The following SLC44A1 variants were observed in gnomAD, a reference collection of about 807,000 sequenced individuals.
SLC44A1 encodes the protein solute carrier family 44 member 1, also known as choline transporter-like protein 1.
In SLC44A1, 26 loss-of-function variants were observed where a neutral mutation model predicts 79.3. That is an observed-to-expected ratio of 0.33 (90% confidence interval 0.24 to 0.46). The LOEUF (loss-of-function observed/expected upper bound fraction) is 0.46. Ranked by LOEUF, SLC44A1 falls within the 20% of genes least tolerant of loss-of-function variation. The probability of loss-of-function intolerance (pLI) is 1.00; values close to 1 mark genes in which losing one functional copy is unlikely to be tolerated. For synonymous variants in SLC44A1, 263 were observed against 286.2 expected (o/e 0.92, Z 0.82); for missense variants, 688 against 798.1 (o/e 0.86, Z 1.66).
intron 1 of SLC44A1, among the ~76,000 whole-genome samples, chr9:105,262,288 T>C (rs1829859905): frequency 6.6e-6 from 1 of 152,224 alleles, no homozygotes. Context: ...TAGGATAAAG[T>C]TATTGTGTCT....
At chr9:105,436,707 A>T (rs1310345935) in intron 15 of SLC44A1, among the ~76,000 whole-genome samples, 1 of 152,214 alleles carries the variant, frequency 6.6e-6, no homozygotes, top group Non-Finnish European at 1.5e-5. Flanking sequence ...CAATTTAGGG[A>T]TTTATTCTAT....
At chr9:105,304,944 G>A (rs1011867885) in intron 2 of SLC44A1, among the ~76,000 whole-genome samples, 2 of 20,078 alleles carry the variant, frequency 1.0e-4, no homozygotes, top group African/African-American at 1.4e-4. Context: ...ACTTTCTATC[G>A]TTTTTTTTTT....
At chr9:105,361,467 A>T (rs1827778360) in intron 8 of SLC44A1, 137 bp downstream of exon 8, 2 of 809,390 alleles carry the variant, frequency 2.5e-6, no homozygotes, top group South Asian at 2.1e-5. Context: ...GCCATAGTGT[A>T]TGAAACACTA....
chr9:105,261,701 A>G (rs1564401839), intron 1 of SLC44A1, among the ~76,000 whole-genome samples: 1 of 151,596 alleles, frequency 6.6e-6, no homozygotes, highest in Non-Finnish European at 1.5e-5. Context: ...GCAGTCTGTT[A>G]AGGGAGATGC....
intron 5 of SLC44A1, among the ~76,000 whole-genome samples, chr9:105,351,600 A>AAAG (rs1554797164): frequency 0.035 from 1,495 of 42,992 alleles, 24 homozygotes; most frequent in Non-Finnish European, 0.054. Flanking sequence ...GAGAAAGAGA[A>AAAG]AGAAAGAAAG....
At chr9:105,374,793 T>A (rs1365603621) in intron 13 of SLC44A1, 58 bp downstream of exon 13, 2 of 1,385,250 alleles carry the variant, frequency 1.4e-6, no homozygotes, top group Non-Finnish European at 2.0e-6. Context: ...ATTTATTTGC[T>A]CTTTTATTTT....
At chr9:105,352,294 G>T (rs533825117) in intron 5 of SLC44A1, among the ~76,000 whole-genome samples, 1 of 152,284 alleles carries the variant, frequency 6.6e-6, no homozygotes, top group South Asian at 2.1e-4. Context: ...TTTATAACCT[G>T]AGGTTCTAGA....
intron 5 of SLC44A1, 124 bp downstream of exon 5, chr9:105,348,575 A>T (rs561332135): frequency 3.3e-5 from 19 of 571,160 alleles, no homozygotes; most frequent in South Asian, 3.2e-4. Flanking sequence ...TACTTTTATT[A>T]AAAAAATTTT....
At chr9:105,387,060 A>ATATAT (rs761598964) in intron 15 of SLC44A1, among the ~76,000 whole-genome samples, 4 of 7,732 alleles carry the variant, frequency 5.2e-4, no homozygotes, top group African/African-American at 1.6e-3. Context: ...AAAAAAAAAA[A>ATATAT]ATATATATAT....
At chr9:105,363,804 C>G (rs866710387) in intron 9 of SLC44A1, among the ~76,000 whole-genome samples, 1 of 152,172 alleles carries the variant, frequency 6.6e-6, no homozygotes, top group Middle Eastern at 3.2e-3. Context: ...CAATGTAAGT[C>G]TAGATCAGGG....
intron 12 of SLC44A1, among the ~76,000 whole-genome samples, chr9:105,366,868 T>G (rs1348985320): frequency 6.6e-6 from 1 of 152,182 alleles, no homozygotes; most frequent in Non-Finnish European, 1.5e-5. Flanking sequence ...AGTGTAAAGC[T>G]GTTGTGACAC....
intron 7 of SLC44A1, among the ~76,000 whole-genome samples, chr9:105,360,846 C>G (rs895089942): frequency 6.6e-6 from 1 of 152,186 alleles, no homozygotes; most frequent in Non-Finnish European, 1.5e-5. Context: ...CCTCCAGCCT[C>G]CTCAGCTTAA....
intron 3 of SLC44A1, among the ~76,000 whole-genome samples, chr9:105,319,284 T>C (rs1199024710): frequency 1.3e-5 from 2 of 152,100 alleles, no homozygotes; most frequent in Non-Finnish European, 2.9e-5. Context: ...ACTGTACTCA[T>C]GGTTATGGTT....
chr9:105,368,987 G>A (rs989810864), intron 12 of SLC44A1, among the ~76,000 whole-genome samples: 27 of 152,204 alleles, frequency 1.8e-4, no homozygotes, highest in African/African-American at 5.8e-4. Flanking sequence ...GTAGTGAGCC[G>A]AGATTGAGCC....
rs778122681 is a variant in SLC44A1, at chr9:105,361,175, G to C, written c.761-16G>C. 25 of 1,612,760 alleles carry C rather than the reference G, an allele frequency of 1.6e-5. No homozygotes were observed. Among genetic ancestry groups the C allele is most frequent in the Non-Finnish European group, 1.9e-5 (22 of 1,178,914 alleles). ...ATCCTAATTATTGCATTAACAGTTG[G>C]GTCTTTTGTCTCCAGGAGGCACAGG... On this transcript the variant is annotated splice_polypyrimidine_tract_variant and intron_variant, in intron 7 of 15. Transcript: ENST00000374720.
At chr9:105,291,410 T>A (rs28688962) in intron 1 of SLC44A1, among the ~76,000 whole-genome samples, 7,255 of 152,252 alleles carry the variant, frequency 0.048, 580 homozygotes, top group African/African-American at 0.16. Flanking sequence ...AGCGGTGACC[T>A]TGGAGATGGA....
In SLC44A1 at chr9:105,394,437, G is replaced by GTT; in HGVS notation, c.*5382_*5383insTT. ...GGTGTGTATGTGTGTGTGTGTGTGT[G>GTT]TGTGTTTGTGTGTGTGTGTGTGTGT... On this transcript the variant is annotated 3_prime_UTR_variant, in exon 16 of 16. Transcript: ENST00000374720. The GTT allele has an allele frequency of 8.1e-6, 7 of 860,320 alleles. No homozygotes were observed. The South Asian group carries it at 2.9e-4, about 36-fold the overall frequency. 53.3% of individuals were successfully genotyped at this position (860,320 alleles called of 1,614,324 possible).
intron 4 of SLC44A1, among the ~76,000 whole-genome samples, chr9:105,339,940 G>A (rs1041343506): frequency 1.3e-5 from 2 of 152,194 alleles, no homozygotes; most frequent in African/African-American, 4.8e-5. Flanking sequence ...CATGAAAATT[G>A]AGGACACTAT....
Position 105,244,907 on chromosome 9 carries a change from G to A in SLC44A1, c.36+3G>A. 3 of 1,181,476 alleles carry A rather than the reference G, an allele frequency of 2.5e-6. No homozygotes were observed. Among genetic ancestry groups the A allele is most frequent in the South Asian group, 4.2e-5 (1 of 23,934 alleles). 73.2% of individuals were successfully genotyped at this position (1,181,476 alleles called of 1,614,324 possible). On this transcript the variant is annotated splice_donor_region_variant and intron_variant, in intron 1 of 15. Transcript: ENST00000374720. ...GCTCCGCCTCCTCCGCCGCGCAGGTGAGGGGCTCCCGCCTCCCGGCCGCCC... is the reference window on the plus strand; with the variant it reads ...GCTCCGCCTCCTCCGCCGCGCAGGTAAGGGGCTCCCGCCTCCCGGCCGCCC...
Sources: allele counts gnomAD v4.1 joint callset (sites outside exome capture counted in the v4.1 genomes callset), GRCh38; gene constraint gnomAD v4.1.1; transcripts MANE v1.5; gene names NCBI Gene and HGNC (gene_info 2026-07-23, HGNC 2026-07-21).